The following ALK variants were observed in gnomAD, a reference collection of about 807,000 sequenced individuals.
ALK encodes the protein ALK tyrosine kinase receptor.
Under a neutral mutation model 163.1 loss-of-function variants are expected in ALK, and 74 were observed. The ratio of observed to expected loss-of-function variants is 0.45; its 90% CI spans 0.38 to 0.55. The LOEUF (loss-of-function observed/expected upper bound fraction) is 0.55. Ranked by LOEUF, ALK falls within the 20% of genes least tolerant of loss-of-function variation. The pLI, the probability that ALK is intolerant of heterozygous loss-of-function variation, is 0.00. For synonymous variants in ALK, 960 were observed against 843.2 expected (o/e 1.14, Z -2.40); for missense variants, 2,063 against 2,105.3 (o/e 0.98, Z 0.39).
intron 4 of ALK, among the ~76,000 whole-genome samples, chr2:29,488,203 AT>A (rs1671823683): frequency 1.3e-5 from 2 of 152,154 alleles, no homozygotes; most frequent in Non-Finnish European, 2.9e-5. Flanking sequence ...CATTATTTGC[AT>A]TCTTTTAGTT....
At chr2:29,432,434 G>A (rs1167575992) in intron 4 of ALK, among the ~76,000 whole-genome samples, 11 of 152,178 alleles carry the variant, frequency 7.2e-5, no homozygotes, top group Non-Finnish European at 1.5e-5. Flanking sequence ...AAGCCGAACA[G>A]ATGCTGGTTC....
At chr2:29,676,438 C>T (rs538752893) in intron 3 of ALK, among the ~76,000 whole-genome samples, 33 of 151,876 alleles carry the variant, frequency 2.2e-4, no homozygotes, top group African/African-American at 7.0e-4. Flanking sequence ...TTTCTTTTAC[C>T]TCAGGCACCT....
chr2:29,749,106 C>T (rs2148329731), intron 1 of ALK, among the ~76,000 whole-genome samples: 1 of 152,316 alleles, frequency 6.6e-6, no homozygotes, highest in East Asian at 1.9e-4. Context: ...CTCCTGACCA[C>T]TTAGGACAGT....
intron 9 of ALK, among the ~76,000 whole-genome samples, chr2:29,294,805 C>A (rs1248660225): frequency 6.6e-6 from 1 of 152,196 alleles, no homozygotes; most frequent in Non-Finnish European, 1.5e-5. Flanking sequence ...TAGTAAGTGA[C>A]CATGGCAGTT....
chr2:29,396,112 T>C (rs998474908), intron 4 of ALK, among the ~76,000 whole-genome samples: 2 of 152,118 alleles, frequency 1.3e-5, no homozygotes, highest in African/African-American at 4.8e-5. Context: ...GGGAAGGTAA[T>C]TGTCAGAGGC....
intron 1 of ALK, among the ~76,000 whole-genome samples, chr2:29,725,234 C>G (rs886458451): frequency 2.0e-5 from 3 of 148,554 alleles, no homozygotes; most frequent in African/African-American, 7.4e-5. Context: ...CCCAAACACT[C>G]TGGCCACTGT....
intron 1 of ALK, among the ~76,000 whole-genome samples, chr2:29,893,377 A>G (rs953647778): frequency 3.9e-5 from 6 of 152,112 alleles, no homozygotes; most frequent in African/African-American, 1.4e-4. Context: ...ATATCATTTT[A>G]TATGTTCACC....
chr2:29,218,751 C>T (rs904416756), intron 23 of ALK, among the ~76,000 whole-genome samples: 33 of 152,376 alleles, frequency 2.2e-4, no homozygotes, highest in African/African-American at 6.3e-4. Context: ...AGAACCAGGG[C>T]TGTGCCTCTT....
intron 1 of ALK, among the ~76,000 whole-genome samples, chr2:29,782,383 A>G (rs1663853100): frequency 6.6e-6 from 1 of 152,268 alleles, no homozygotes; most frequent in Non-Finnish European, 1.5e-5. Flanking sequence ...CAAGCTGGTC[A>G]GCCCACTGGT....
At chr2:29,875,136 G>A (rs886466733) in intron 1 of ALK, among the ~76,000 whole-genome samples, 1 of 152,106 alleles carries the variant, frequency 6.6e-6, no homozygotes, top group African/African-American at 2.4e-5. Flanking sequence ...ATAGATGAAA[G>A]AACAAACAAA....
At position 29,332,323 on chromosome 2, in the gene ALK, A is replaced by G. The variant is rs1203569510; in HGVS notation, c.1283-3842T>C. Reference sequence around the variant, plus strand: ...AAAAAAAAAAAAAAAAAAAAAAAAAAAGTCTATGAGGTCTCCCTCAACCTC... The same window carrying G: ...AAAAAAAAAAAAAAAAAAAAAAAAAGAGTCTATGAGGTCTCCCTCAACCTC... On this transcript the variant is annotated intron_variant, in intron 5 of 28. Transcript: ENST00000389048. Among the ~76,000 whole-genome samples the G allele has an allele frequency of 2.2e-5, 3 of 138,520 alleles. No homozygotes were observed. The Admixed American group carries it at 2.3e-4, about 11-fold the overall frequency. The allele number at this position is 138,520 out of a possible 152,430, so 90.9% of individuals were successfully genotyped here.
chr2:29,818,544 C>T (rs1006425468), intron 1 of ALK, among the ~76,000 whole-genome samples: 9 of 152,274 alleles, frequency 5.9e-5, no homozygotes, highest in Non-Finnish European at 1.0e-4. Context: ...AGCTCTGGAG[C>T]CTCAATCTGC....
intron 4 of ALK, among the ~76,000 whole-genome samples, chr2:29,493,674 C>T (rs571785940): frequency 1.3e-5 from 2 of 152,344 alleles, no homozygotes; most frequent in African/African-American, 2.4e-5. Context: ...ATTCCTACTT[C>T]CCGAGGTTGT....
At chr2:29,415,533 C>T (rs184629979) in intron 4 of ALK, among the ~76,000 whole-genome samples, 115 of 152,308 alleles carry the variant, frequency 7.6e-4, no homozygotes, top group African/African-American at 2.7e-3. Flanking sequence ...TAGGACCACA[C>T]AGTGCTGCTT....
intron 1 of ALK, among the ~76,000 whole-genome samples, chr2:29,875,128 A>C (rs527349211): frequency 6.6e-6 from 1 of 152,360 alleles, no homozygotes; most frequent in Non-Finnish European, 1.5e-5. Context: ...GACCATCAAT[A>C]GATGAAAGAA....
chr2:29,256,950 A>G (rs987108524), intron 11 of ALK, among the ~76,000 whole-genome samples: 7 of 152,194 alleles, frequency 4.6e-5, no homozygotes, highest in Non-Finnish European at 7.3e-5. Context: ...GTCAGGAAGC[A>G]GAGAGAGACT....
chr2:29,227,748 G>T lies in ALK; in HGVS notation c.2816-76C>A. On this transcript the variant is annotated intron_variant, in intron 16 of 28. Coordinates refer to ENST00000389048, the MANE Select transcript of ALK (RefSeq NM_004304.5). The surrounding 1 kb of genome is among the most constrained non-coding windows in gnomAD (Gnocchi z 4.4). ...CTTAACACACACACACGTCAGTGGG[G>T]CATGCAGCTCTGGCCAAAGTTAGGG... 1 of 1,225,342 alleles carries T rather than the reference G, an allele frequency of 8.2e-7. No homozygotes were observed. The highest frequency in any genetic ancestry group is 1.2e-6 in the Non-Finnish European group (1 of 829,328). The allele number at this position is 1,225,342 out of a possible 1,614,324, so 75.9% of individuals were successfully genotyped here. A position where few individuals can be genotyped will look rare whatever the true frequency, so the allele number is the denominator to read the frequency against.
intron 4 of ALK, among the ~76,000 whole-genome samples, chr2:29,468,568 A>G (rs991218619): frequency 2.6e-5 from 4 of 152,118 alleles, no homozygotes; most frequent in African/African-American, 7.2e-5. Context: ...ATGAATAGCC[A>G]GCTCAGCTCA....
At chr2:29,395,336 G>T (rs543862766) in intron 4 of ALK, among the ~76,000 whole-genome samples, 2 of 152,282 alleles carry the variant, frequency 1.3e-5, no homozygotes, top group African/African-American at 4.8e-5. Flanking sequence ...TCTGGGGCTG[G>T]GATAAGTGGT....
Sources: allele counts gnomAD v4.1 joint callset (sites outside exome capture counted in the v4.1 genomes callset), GRCh38; gene constraint gnomAD v4.1.1; non-coding constraint Gnocchi (gnomAD v3.1); transcripts MANE v1.5; gene names NCBI Gene and HGNC (gene_info 2026-07-23, HGNC 2026-07-21).